Variants in RIMS2 observed in about 807,000 individuals in gnomAD.
RIMS2 encodes the protein regulating synaptic membrane exocytosis protein 2.
Under a neutral mutation model 174.4 loss-of-function variants are expected in RIMS2, and 59 were observed. The ratio of observed to expected loss-of-function variants is 0.34; its 90% confidence interval spans 0.27 to 0.42. RIMS2 has a LOEUF of 0.42. Among genes scored for constraint, RIMS2 ranks in the 10% least tolerant of loss-of-function variants. The pLI is 1.00. For missense variants in RIMS2, 1,620 were observed against 1,666.3 expected, an observed-to-expected ratio of 0.97 and a Z score of 0.48; for synonymous variants, 606 against 572.5, an observed-to-expected ratio of 1.06 and a Z score of -0.84.
intron 2 of RIMS2, among the ~76,000 whole-genome samples, chr8:103,742,051 A>G (rs1805245827): frequency 6.6e-6 from 1 of 152,062 alleles, no homozygotes; most frequent in Admixed American, 6.6e-5. Flanking sequence ...AATAGTTCCC[A>G]TGTTAATGGT....
At chr8:103,927,735 T>G (rs1002594976) in intron 10 of RIMS2, 19 of 720,332 alleles carry the variant, frequency 2.6e-5, no homozygotes, top group Middle Eastern at 2.5e-4. Context: ...AAAATTGTAT[T>G]TAAGGGATAG....
chr8:103,595,505 G>T (rs549066829), intron 1 of RIMS2, among the ~76,000 whole-genome samples: 1 of 151,832 alleles, frequency 6.6e-6, no homozygotes, highest in African/African-American at 2.4e-5. Context: ...AGTAAGAAGA[G>T]TTAAGATTTA....
chr8:104,155,409 C>CTTTTTT (rs10578958), intron 19 of RIMS2, among the ~76,000 whole-genome samples: 2 of 81,006 alleles, frequency 2.5e-5, no homozygotes, highest in African/African-American at 5.2e-5. Context: ...CCCGGCCTTG[C>CTTTTTT]TTTTTTTTTT....
intron 19 of RIMS2, among the ~76,000 whole-genome samples, chr8:104,054,200 T>G (rs1319537496): frequency 1.3e-5 from 2 of 152,192 alleles, no homozygotes; most frequent in African/African-American, 2.4e-5. Flanking sequence ...TTCCTGTTTA[T>G]TCTCAGTATT....
intron 19 of RIMS2, among the ~76,000 whole-genome samples, chr8:104,093,952 G>A (rs897366359): frequency 7.2e-5 from 11 of 151,760 alleles, no homozygotes; most frequent in Non-Finnish European, 1.2e-4. Context: ...TGATGGCTGA[G>A]ACTTGAATTT....
chr8:104,173,613 ATTTTTTTTTTTTTTTTT>A (rs71297262), intron 19 of RIMS2, among the ~76,000 whole-genome samples: 14 of 54,200 alleles, frequency 2.6e-4, no homozygotes, highest in Admixed American at 1.3e-3. Context: ...AGCTCTTCTG[ATTTTTTTTTTTTTTTTT>A]TTTTTTTTTT....
intron 22 of RIMS2, 32 bp from the exon 29 acceptor site, chr8:104,250,992 T>C: frequency 1.3e-6 from 2 of 1,597,608 alleles, no homozygotes; most frequent in Non-Finnish European, 1.7e-6. Context: ...CATAGTTTAT[T>C]GCTCATTCTC....
chr8:104,058,028 T>C (rs2154559814), intron 19 of RIMS2, among the ~76,000 whole-genome samples: 1 of 152,158 alleles, frequency 6.6e-6, no homozygotes, highest in Admixed American at 6.5e-5. Flanking sequence ...GCAATAAACA[T>C]ATGTGTGCAT....
intron 2 of RIMS2, among the ~76,000 whole-genome samples, chr8:103,722,341 A>T (rs2097460203): frequency 6.6e-6 from 1 of 152,126 alleles, no homozygotes; most frequent in Non-Finnish European, 1.5e-5. Context: ...TTATTATTAC[A>T]TTGTAATATA....
chr8:104,022,459 T>C (rs181817874), intron 19 of RIMS2, among the ~76,000 whole-genome samples: 6 of 152,210 alleles, frequency 3.9e-5, no homozygotes, highest in Non-Finnish European at 5.9e-5. Context: ...CTCAGCTCAC[T>C]GCAACCTCCC....
chr8:103,762,702 T>G (rs942437541), intron 2 of RIMS2, among the ~76,000 whole-genome samples: 1 of 152,180 alleles, frequency 6.6e-6, no homozygotes. Context: ...TTGCTAATGA[T>G]GGAGATACAG....
chr8:104,223,683 C>T, intron 19 of RIMS2: 1 of 1,591,806 alleles, frequency 6.3e-7, no homozygotes, highest in Non-Finnish European at 8.5e-7. Flanking sequence ...GGTGCCAGCG[C>T]TGCGGGGCGC....
At chr8:104,034,587 A>C (rs2096474157) in intron 19 of RIMS2, among the ~76,000 whole-genome samples, 1 of 149,208 alleles carries the variant, frequency 6.7e-6, no homozygotes, top group Admixed American at 6.9e-5. Flanking sequence ...CTCCTGCCTC[A>C]GCCTACCAAG....
intron 19 of RIMS2, among the ~76,000 whole-genome samples, chr8:104,050,245 A>G (rs1417429142): frequency 6.6e-6 from 1 of 152,196 alleles, no homozygotes. Context: ...GCTACTAAAT[A>G]TATACGTATC....
chr8:103,904,005 A>G (rs533517919), intron 4 of RIMS2, among the ~76,000 whole-genome samples: 1 of 152,244 alleles, frequency 6.6e-6, no homozygotes, highest in East Asian at 1.9e-4. Flanking sequence ...TATCACATAT[A>G]TGGATTCATA....
At chr8:103,633,726 T>C (rs2096004009) in intron 1 of RIMS2, among the ~76,000 whole-genome samples, 3 of 152,134 alleles carry the variant, frequency 2.0e-5, no homozygotes, top group African/African-American at 7.2e-5. Flanking sequence ...ATTGGTCCAT[T>C]CGGGGAATCA....
chr8:103,957,070 G>C lies in RIMS2; in HGVS notation c.2702-3995G>C, dbSNP rs527513667. ...GTAAGGTACCATCTCATGCCAGTTA[G>C]AATGGCGATCATTAAAAAGTAAGGA... On this transcript the variant is annotated intron_variant, in intron 14 of 23. Coordinates refer to ENST00000504942, the Ensembl canonical transcript of RIMS2. 1.5e-3 allele frequency among the ~76,000 whole-genome samples: 230 copies of C among 152,348 alleles called. 2 individuals carry two copies. Among genetic ancestry groups the C allele is most frequent in the African/African-American group, 5.0e-3 (208 of 41,580 alleles).
chr8:104,057,062 TC>T (rs1250716608), intron 19 of RIMS2, among the ~76,000 whole-genome samples: 6 of 146,430 alleles, frequency 4.1e-5, no homozygotes, highest in Admixed American at 4.0e-4. Flanking sequence ...TTTTTCTTTT[TC>T]TTTTTTTTTT....
intron 19 of RIMS2, among the ~76,000 whole-genome samples, chr8:104,126,194 G>T (rs1042409384): frequency 6.6e-5 from 10 of 152,148 alleles, no homozygotes; most frequent in Non-Finnish European, 1.5e-4. Flanking sequence ...ATTAATAAAA[G>T]TTTGGAAGCT....
Sources: allele counts gnomAD v4.1 joint callset (sites outside exome capture counted in the v4.1 genomes callset), GRCh38; gene constraint gnomAD v4.1.1; transcripts MANE v1.5; gene names NCBI Gene and HGNC (gene_info 2026-07-23, HGNC 2026-07-21).